The following TBC1D19 variants were observed in gnomAD, a reference collection of about 807,000 sequenced individuals.
TBC1D19 encodes the protein TBC1 domain family member 19.
In TBC1D19, 60 loss-of-function variants were observed where a neutral mutation model predicts 89.0. The observed-to-expected ratio is 0.67, with a 90% CI of 0.55 to 0.84. TBC1D19 has a LOEUF of 0.84. Among genes scored for constraint, TBC1D19 ranks in the 40% least tolerant of loss-of-function variants. The pLI is 0.00. For synonymous variants in TBC1D19, 189 were observed against 199.7 expected (o/e 0.95, Z 0.45); for missense variants, 500 against 610.8 (o/e 0.82, Z 1.91).
At chr4:26,656,987 T>TCTCCTCCTTCTCCTTCTCCTTCTC (rs59399936) in intron 7 of TBC1D19, among the ~76,000 whole-genome samples, 1 of 17,786 alleles carries the variant, frequency 5.6e-5, no homozygotes, top group Non-Finnish European at 1.2e-4. Context: ...TTCTTCTTCT[T>TCTCCTCCTTCTCCTTCTCCTTCTC]CTTCTCCTTC....
chr4:26,761,854 C>G, the TBC1D19 span, among the ~76,000 whole-genome samples: 1 of 151,972 alleles, frequency 6.6e-6, no homozygotes, highest in East Asian at 1.9e-4. Context: ...AGGATGGGCA[C>G]GGTGGCTCAC....
chr4:26,682,972 G>A (rs1343358350), intron 11 of TBC1D19, among the ~76,000 whole-genome samples: 3 of 151,886 alleles, frequency 2.0e-5, no homozygotes, highest in African/African-American at 7.3e-5. Context: ...TAGAGACTGG[G>A]TCTCAGTCTG....
intron 1 of TBC1D19, among the ~76,000 whole-genome samples, chr4:26,599,863 G>T (rs1740477593): frequency 6.9e-6 from 1 of 144,066 alleles, no homozygotes; most frequent in Non-Finnish European, 1.5e-5. Context: ...CAGGAGAATT[G>T]CTTGAACCCA....
the TBC1D19 span, among the ~76,000 whole-genome samples, chr4:26,794,554 A>G: frequency 1.3e-5 from 2 of 152,322 alleles, no homozygotes; most frequent in African/African-American, 4.8e-5. Context: ...TAAACAATAT[A>G]CAAAATATCA....
At chr4:26,686,128 TA>T (rs74447111) in intron 12 of TBC1D19, among the ~76,000 whole-genome samples, 3,466 of 150,442 alleles carry the variant, frequency 0.023, 120 homozygotes, top group African/African-American at 0.077. Context: ...AATGATCATT[TA>T]AAAAAAAAAA....
intron 7 of TBC1D19, among the ~76,000 whole-genome samples, chr4:26,642,496 C>T (rs554028267): frequency 7.2e-5 from 11 of 152,254 alleles, no homozygotes; most frequent in African/African-American, 2.4e-4. Flanking sequence ...TAAAGACCAT[C>T]GATGCTAAGA....
At chr4:26,658,401 G>T (rs990441086) in intron 7 of TBC1D19, among the ~76,000 whole-genome samples, 1 of 152,152 alleles carries the variant, frequency 6.6e-6, no homozygotes. Context: ...GGTTGTAGAT[G>T]TGTGGTGTTG....
chr4:26,736,171 T>C (rs533984250), intron 16 of TBC1D19, among the ~76,000 whole-genome samples: 226 of 88,596 alleles, frequency 2.6e-3, no homozygotes, highest in African/African-American at 6.9e-3. Context: ...TAGACTGGAT[T>C]AAGAAAATGT....
intron 11 of TBC1D19, among the ~76,000 whole-genome samples, chr4:26,674,450 T>C (rs1225642693): frequency 2.0e-5 from 3 of 152,096 alleles, no homozygotes; most frequent in African/African-American, 7.2e-5. Flanking sequence ...ATTCTTGAAA[T>C]ATTCTTAGTG....
At chr4:26,798,802 A>G in the TBC1D19 span, among the ~76,000 whole-genome samples, 1 of 152,150 alleles carries the variant, frequency 6.6e-6, no homozygotes, top group Non-Finnish European at 1.5e-5. Flanking sequence ...GCACATTCTC[A>G]CTTATAAGTG....
At chr4:26,767,575 G>A in the TBC1D19 span, among the ~76,000 whole-genome samples, 62 of 152,264 alleles carry the variant, frequency 4.1e-4, no homozygotes, top group African/African-American at 1.5e-3. Context: ...ACAAAGAGGA[G>A]GTCATGTGAG....
chr4:26,784,677 T>C, the TBC1D19 span, among the ~76,000 whole-genome samples: 9 of 152,326 alleles, frequency 5.9e-5, no homozygotes, highest in African/African-American at 2.2e-4. Context: ...CTACTTCTGC[T>C]TTCCTCCGCC....
At chr4:26,719,795 G>T (rs1023460166) in intron 14 of TBC1D19, among the ~76,000 whole-genome samples, 2 of 152,062 alleles carry the variant, frequency 1.3e-5, no homozygotes, top group African/African-American at 2.4e-5. Flanking sequence ...ATAATAAATA[G>T]ATACTTCTCT....
the TBC1D19 span, among the ~76,000 whole-genome samples, chr4:26,816,760 T>C: frequency 6.6e-6 from 1 of 152,132 alleles, no homozygotes; most frequent in Non-Finnish European, 1.5e-5. Context: ...CCACAATTAC[T>C]TTTGCACAAA....
At position 26,748,453 on chromosome 4, in the gene TBC1D19, A is replaced by T. The variant is rs1718770797; in HGVS notation, c.1362A>T (p.Gly454=). The change falls in exon 19 of 21, where the codon GGA becomes GGT. Residue 454 remains glycine (G), a synonymous_variant. Coordinates refer to ENST00000264866, the MANE Select transcript of TBC1D19 (RefSeq NM_018317.4). ...SFKWMVRAFS[G]YLATDQLLLL... is the part of the protein sequence containing the mutation. ...AGTGGATGGTTCGAGCTTTCTCTGG[A>T]TACTTAGCTACAGATCAGCTCTTGC... is the stretch of plus-strand genomic sequence containing the variant. 6.2e-7 allele frequency: 1 copy of T among 1,613,886 alleles called. No homozygotes were observed. The highest frequency in any genetic ancestry group is 8.5e-7 in the Non-Finnish European group (1 of 1,179,872).
At chr4:26,655,363 G>A (rs879643170) in intron 7 of TBC1D19, among the ~76,000 whole-genome samples, 2 of 152,184 alleles carry the variant, frequency 1.3e-5, no homozygotes, top group East Asian at 1.9e-4. Flanking sequence ...CAGATCTCAA[G>A]CTGCGTGCTG....
chr4:26,854,735 T>G, the TBC1D19 span, among the ~76,000 whole-genome samples: 1 of 151,572 alleles, frequency 6.6e-6, no homozygotes, highest in African/African-American at 2.4e-5. Context: ...CCTTTTTTTT[T>G]TTTTTTTTTT....
the TBC1D19 span, among the ~76,000 whole-genome samples, chr4:26,818,559 A>G: frequency 8.5e-5 from 13 of 152,300 alleles, no homozygotes; most frequent in Middle Eastern, 3.4e-3. Flanking sequence ...GCTGGCCTCA[A>G]TGTAAAATTT....
At chr4:26,823,129 G>A in the TBC1D19 span, among the ~76,000 whole-genome samples, 16 of 152,312 alleles carry the variant, frequency 1.1e-4, no homozygotes, top group East Asian at 9.6e-4. Context: ...CAGAAGGCAA[G>A]GAGGAGCAAG....
Sources: allele counts gnomAD v4.1 joint callset (sites outside exome capture counted in the v4.1 genomes callset), GRCh38; gene constraint gnomAD v4.1.1; transcripts MANE v1.5; gene names NCBI Gene and HGNC (gene_info 2026-07-23, HGNC 2026-07-21).